Variants in SLC2A5 observed in about 807,000 individuals in gnomAD.
The protein encoded by SLC2A5 is solute carrier family 2, facilitated glucose transporter member 5.
SLC2A5 carries 56 observed loss-of-function variants against 50.3 expected under a neutral mutation model. The observed-to-expected ratio is 1.11, with a 90% confidence interval of 0.90 to 1.39. The LOEUF is 1.39. Among genes scored for constraint, SLC2A5 ranks in the 40% most tolerant of loss-of-function variants. SLC2A5 has a pLI of 0.00. For missense variants in SLC2A5, 566 were observed against 650.1 expected, an observed-to-expected ratio of 0.87 and a Z score of 1.41; for synonymous variants, 269 against 281.9, an observed-to-expected ratio of 0.95 and a Z score of 0.46.
intron 2 of SLC2A5, among the ~76,000 whole-genome samples, chr1:9,075,814 C>T (rs566459260): frequency 1.3e-5 from 2 of 152,234 alleles, no homozygotes; most frequent in East Asian, 3.9e-4. Context: ...GCACCTGCCA[C>T]CATGCCCAGC....
chr1:9,043,761 G>A (rs1466317265), intron 4 of SLC2A5, among the ~76,000 whole-genome samples: 3 of 150,110 alleles, frequency 2.0e-5, no homozygotes, highest in Admixed American at 1.3e-4. Context: ...CGCTCTTGTC[G>A]CCCAGGCTGG....
chr1:9,092,033 C>A (rs1047543346), upstream of SLC2A5, among the ~76,000 whole-genome samples: 10 of 152,258 alleles, frequency 6.6e-5, no homozygotes, highest in Admixed American at 3.9e-4. Flanking sequence ...GCTCAGGGAA[C>A]CCCTATCATT....
At chr1:9,060,340 ACACGC>A (rs1641898931) in intron 1 of SLC2A5, among the ~76,000 whole-genome samples, 1 of 107,956 alleles carries the variant, frequency 9.3e-6, no homozygotes. Flanking sequence ...ACACAAGCAC[ACACGC>A]CCCCCAAATG....
intron 1 of SLC2A5, among the ~76,000 whole-genome samples, chr1:9,086,389 T>TC (rs1557687091): frequency 2.6e-5 from 2 of 75,746 alleles, no homozygotes; most frequent in African/African-American, 7.8e-5. Context: ...TTCTCTCTCT[T>TC]TTTTTTTTTT....
At chr1:9,042,057 A>G (rs1557663667) in intron 4 of SLC2A5, 120 bp from the exon 5 acceptor site, 2 of 1,350,140 alleles carry the variant, frequency 1.5e-6, no homozygotes, top group Non-Finnish European at 2.0e-6. Context: ...TCAAAACTGC[A>G]AAGGAGAAAG....
upstream of SLC2A5, among the ~76,000 whole-genome samples, chr1:9,070,811 G>T (rs905151630): frequency 6.6e-6 from 1 of 152,036 alleles, no homozygotes; most frequent in Non-Finnish European, 1.5e-5. Context: ...GTGGGAGACT[G>T]TGAGAAGCCT....
chr1:9,056,621 C>A (rs1240270452), intron 3 of SLC2A5, among the ~76,000 whole-genome samples: 1 of 151,976 alleles, frequency 6.6e-6, no homozygotes, highest in East Asian at 1.9e-4. Flanking sequence ...GACAAGGGGA[C>A]CTCTAAAATT....
intron 5 of SLC2A5, chr1:9,041,123 T>G (rs1250283151): frequency 2.9e-6 from 1 of 347,996 alleles, no homozygotes; most frequent in Non-Finnish European, 5.1e-6. Context: ...GATGATCCAC[T>G]TGACTGACTT....
chr1:9,037,861 A>G (rs1641174446), intron 11 of SLC2A5, 36 bp downstream of exon 11: 4 of 1,613,720 alleles, frequency 2.5e-6, no homozygotes, highest in Non-Finnish European at 3.4e-6. Flanking sequence ...CTGCATGGGG[A>G]TCTGGTGGTG....
chr1:9,046,556 A>G (rs367741935), intron 4 of SLC2A5, among the ~76,000 whole-genome samples: 3 of 152,152 alleles, frequency 2.0e-5, no homozygotes, highest in East Asian at 3.9e-4. Flanking sequence ...TGGCACTGTT[A>G]GCACCTTTCT....
In SLC2A5 at chr1:9,058,192, T is replaced by C; in HGVS notation, c.92A>G (p.Gln31Arg). 4 of 1,614,102 alleles carry C rather than the reference T, an allele frequency of 2.5e-6. No homozygotes were observed. The highest frequency in any genetic ancestry group is 2.5e-6 in the Non-Finnish European group (3 of 1,179,976). Residue 31 changes from glutamine (Q) to arginine (R), a missense_variant, in exon 2 of 12, where the codon CAG becomes CGG. Transcript: ENST00000377424. The stretch of plus-strand genomic sequence containing the variant: ...GACAGCAGCCACGTTGTACCCATAC[T>C]GGAAGGATGACCCAAAGGCAGCTAT... ...TLIAAFGSSF[Q>R]YGYNVAAVNS...
chr1:9,070,631 A>C (rs1292073457), upstream of SLC2A5, among the ~76,000 whole-genome samples: 1 of 152,190 alleles, frequency 6.6e-6, no homozygotes, highest in Non-Finnish European at 1.5e-5. Flanking sequence ...CACAAGTCCC[A>C]CAGGTTTTCA....
chr1:9,073,927 A>G (rs9435093), upstream of SLC2A5, among the ~76,000 whole-genome samples: 479 of 152,336 alleles, frequency 3.1e-3, 4 homozygotes, highest in African/African-American at 0.011. Context: ...TAAAAATACA[A>G]GAATTAGCCA....
chr1:9,039,763 G>T, intron 7 of SLC2A5, 37 bp downstream of exon 7: 1 of 1,458,980 alleles, frequency 6.9e-7, no homozygotes. Flanking sequence ...CGCCCCCCGA[G>T]CCCTCCCCAG....
At chr1:9,094,192 G>T in the SLC2A5 span, among the ~76,000 whole-genome samples, 1 of 152,162 alleles carries the variant, frequency 6.6e-6, no homozygotes, top group Non-Finnish European at 1.5e-5. Flanking sequence ...TGCCTGAAGC[G>T]AACGGAGCAT....
chr1:9,058,764 A>G (rs1044066888), intron 1 of SLC2A5, among the ~76,000 whole-genome samples: 1 of 140,154 alleles, frequency 7.1e-6, no homozygotes, highest in African/African-American at 2.5e-5. Context: ...AAAATCAAAG[A>G]GAAAAAGAGA....
intron 1 of SLC2A5, among the ~76,000 whole-genome samples, chr1:9,064,799 C>A (rs1642037791): frequency 6.6e-6 from 1 of 152,126 alleles, no homozygotes; most frequent in East Asian, 1.9e-4. Flanking sequence ...CACCTGTAAT[C>A]CCAGCACTTT....
rs747043570 is a variant in SLC2A5 at position 9,057,471 on chromosome 1, G to C, written c.270C>G (p.Gly90=). ...FGGFIGSLLV[G]PLVNKFGRKG... ...ACCTGCCAAATTTATTCACCAAGGG[G>C]CCGACCAGGAGGGATCCGATAAACC... The change falls in exon 3 of 12, where the codon GGC becomes GGG. Residue 90 remains glycine (G), a synonymous_variant. Transcript: ENST00000377424. 3.4e-5 allele frequency: 55 copies of C among 1,612,270 alleles called. No individual in the cohort carries two copies. The highest frequency in any genetic ancestry group is 4.4e-5 in the Non-Finnish European group (52 of 1,179,292).
At chr1:9,093,817 C>A in the SLC2A5 span, among the ~76,000 whole-genome samples, 4 of 152,254 alleles carry the variant, frequency 2.6e-5, no homozygotes, top group Admixed American at 2.6e-4. Context: ...CTTACACAGC[C>A]CTTCCTGCAC....
Sources: allele counts gnomAD v4.1 joint callset (sites outside exome capture counted in the v4.1 genomes callset), GRCh38; gene constraint gnomAD v4.1.1; transcripts MANE v1.5; gene names NCBI Gene and HGNC (gene_info 2026-07-23, HGNC 2026-07-21).